The following CYSLTR2 variants were observed in gnomAD, a reference collection of about 807,000 sequenced individuals.
The protein encoded by CYSLTR2 is cysteinyl leukotriene receptor 2, also known as G-protein coupled receptor GPCR21.
For missense variants in CYSLTR2, 398 were observed against 411.9 expected (o/e 0.97, Z 0.29); for synonymous variants, 179 against 160.8 (o/e 1.11, Z -0.86).
Position 48,653,933 on chromosome 13 carries a change from T to C in CYSLTR2, c.-350T>C, listed in dbSNP as rs1228707846. On this transcript the variant is annotated 5_prime_UTR_variant, in exon 1 of 5. An upstream start codon of the reference 5' UTR is lost. Transcript: ENST00000682523. Reference sequence around the variant, plus strand: ...TTTGCTCTTTCACTTTTCTTTGAAATGAGCAACCTGAATTACTCGGAGGAG... The same window carrying C: ...TTTGCTCTTTCACTTTTCTTTGAAACGAGCAACCTGAATTACTCGGAGGAG... The C allele has an allele frequency of 1.3e-5, 2 of 152,152 alleles. No individual in the cohort carries two copies. Among genetic ancestry groups the C allele is most frequent in the African/African-American group, 4.8e-5 (2 of 41,420 alleles). The allele number at this position is 152,152 out of a possible 1,614,324, so 9.4% of individuals were successfully genotyped here. A position where few individuals can be genotyped will look rare whatever the true frequency, so the allele number is the denominator to read the frequency against.
At chr13:48,669,245 A>G (rs1469402797) in intron 1 of CYSLTR2, among the ~76,000 whole-genome samples, 1 of 151,028 alleles carries the variant, frequency 6.6e-6, no homozygotes, top group African/African-American at 2.4e-5. Flanking sequence ...GAGCATTCCT[A>G]TTTCTCCACA....
At chr13:48,672,420 C>T (rs182196713) in intron 1 of CYSLTR2, among the ~76,000 whole-genome samples, 1 of 152,148 alleles carries the variant, frequency 6.6e-6, no homozygotes, top group African/African-American at 2.4e-5. Context: ...GCATTTAGTG[C>T]TATAAATTTC....
intron 1 of CYSLTR2, among the ~76,000 whole-genome samples, chr13:48,664,519 C>T (rs1362559658): frequency 6.6e-6 from 1 of 151,790 alleles, no homozygotes; most frequent in Non-Finnish European, 1.5e-5. Context: ...TTTGGCTTAT[C>T]CAGGTTCTGT....
In CYSLTR2 at chr13:48,708,852, T is replaced by C. The variant is rs1333496035; in HGVS notation, c.*994T>C. On this transcript the variant is annotated 3_prime_UTR_variant, in exon 5 of 5. Transcript: ENST00000682523. The stretch of plus-strand genomic sequence containing the variant: ...GATGCTGCCTTCCCTTTTGAGATAG[T>C]GTAGAAAAACACTAGATAGTGTGAG... The C allele has an allele frequency of 6.0e-6, 1 of 166,958 alleles. No individual in the cohort carries two copies. The highest frequency in any genetic ancestry group is 2.4e-5 in the African/African-American group (1 of 41,414). The allele number at this position is 166,958 out of a possible 1,614,324, so 10.3% of individuals were successfully genotyped here.
At position 48,697,999 on chromosome 13, in the gene CYSLTR2, C is replaced by T. The variant is rs557301301; in HGVS notation, c.-2+1373C>T. On this transcript the variant is annotated intron_variant, in intron 4 of 4. Coordinates refer to ENST00000682523, the MANE Select transcript of CYSLTR2 (RefSeq NM_001308476.3). ...AGTAAAAAGAAATGAAAAAAGCCTC[C>T]AAGAAATATGGGAGGACTATGTGAA... 3.3e-5 allele frequency among the ~76,000 whole-genome samples: 5 copies of T among 152,044 alleles called. No individual in the cohort carries two copies. In the South Asian group the frequency reaches 1.0e-3, roughly 32 times the overall value.
intron 2 of CYSLTR2, among the ~76,000 whole-genome samples, chr13:48,692,230 C>A (rs1954057532): frequency 6.6e-6 from 1 of 151,786 alleles, no homozygotes; most frequent in Non-Finnish European, 1.5e-5. Context: ...TCACTAGAAA[C>A]AACATTTTAT....
intron 1 of CYSLTR2, among the ~76,000 whole-genome samples, chr13:48,688,549 T>A (rs180808279): frequency 5.6e-4 from 85 of 152,324 alleles, no homozygotes; most frequent in African/African-American, 1.8e-3. Context: ...AGAATGATGG[T>A]TTCCAGCTTC....
intron 1 of CYSLTR2, among the ~76,000 whole-genome samples, chr13:48,674,334 CT>C (rs1953536853): frequency 1.3e-5 from 2 of 152,084 alleles, no homozygotes; most frequent in Admixed American, 6.5e-5. Context: ...ATTATTTTTT[CT>C]TTAATCTTGT....
intron 1 of CYSLTR2, among the ~76,000 whole-genome samples, chr13:48,680,655 GC>G (rs1020696067): frequency 1.3e-5 from 2 of 152,134 alleles, no homozygotes; most frequent in African/African-American, 2.4e-5. Flanking sequence ...TGGAAATTAT[GC>G]TGCCAAATAA....
chr13:48,693,412 A>G (rs1320680330), intron 2 of CYSLTR2, 26 bp from the exon 3 acceptor site: 2 of 152,146 alleles, frequency 1.3e-5, no homozygotes, highest in Non-Finnish European at 1.5e-5. Context: ...ACACAGTTTA[A>G]TAACATTTTT....
intron 1 of CYSLTR2, among the ~76,000 whole-genome samples, chr13:48,673,433 CTTTTTT>C (rs61699943): frequency 2.1e-5 from 1 of 48,276 alleles, no homozygotes; most frequent in Non-Finnish European, 3.7e-5. Context: ...GTAACCCCGG[CTTTTTT>C]TTTTTTTTTT....
intron 1 of CYSLTR2, among the ~76,000 whole-genome samples, chr13:48,662,191 T>C (rs1269144493): frequency 6.6e-6 from 1 of 152,244 alleles, no homozygotes; most frequent in East Asian, 1.9e-4. Flanking sequence ...AAGATTTCAT[T>C]CCATTTTATG....
intron 1 of CYSLTR2, among the ~76,000 whole-genome samples, chr13:48,679,237 A>G (rs1313613229): frequency 6.6e-6 from 1 of 151,842 alleles, no homozygotes; most frequent in East Asian, 1.9e-4. Context: ...CCAGAACCTT[A>G]AAAAAACTCC....
intron 2 of CYSLTR2, among the ~76,000 whole-genome samples, chr13:48,693,216 T>A (rs1443561046): frequency 1.3e-5 from 2 of 151,822 alleles, no homozygotes; most frequent in African/African-American, 2.4e-5. Context: ...CAAAAAAAAA[T>A]TTAACTTTGG....
intron 1 of CYSLTR2, among the ~76,000 whole-genome samples, chr13:48,667,152 G>T (rs1406726531): frequency 3.9e-5 from 6 of 152,262 alleles, no homozygotes; most frequent in South Asian, 2.1e-4. Context: ...TCTTCATGTG[G>T]TTTCTTTGGC....
intron 1 of CYSLTR2, among the ~76,000 whole-genome samples, chr13:48,662,290 C>G (rs1180524534): frequency 6.6e-6 from 1 of 152,168 alleles, no homozygotes; most frequent in South Asian, 2.1e-4. Flanking sequence ...CATAACTTGG[C>G]TATTGTGAAT....
At chr13:48,696,927 G>C (rs141625578) in intron 4 of CYSLTR2, among the ~76,000 whole-genome samples, 1,571 of 152,314 alleles carry the variant, frequency 0.01, 31 homozygotes, top group African/African-American at 0.036. Flanking sequence ...ATAACAGTCT[G>C]AGATTGAACT....
chr13:48,696,366 C>T (rs576112438), intron 3 of CYSLTR2, among the ~76,000 whole-genome samples, 160 bp from the exon 4 acceptor site: 2 of 152,254 alleles, frequency 1.3e-5, no homozygotes, highest in African/African-American at 4.8e-5. Context: ...ATCCTCTTAG[C>T]AGAGTATTTT....
intron 4 of CYSLTR2, among the ~76,000 whole-genome samples, chr13:48,702,089 G>T (rs1954364688): frequency 6.6e-6 from 1 of 152,028 alleles, no homozygotes; most frequent in South Asian, 2.1e-4. Context: ...CCATAAAAAA[G>T]GATGAGTTCA....
Sources: allele counts gnomAD v4.1 joint callset (sites outside exome capture counted in the v4.1 genomes callset), GRCh38; gene constraint gnomAD v4.1.1; transcripts MANE v1.5; gene names NCBI Gene and HGNC (gene_info 2026-07-23, HGNC 2026-07-21).